The following WWOX variants were observed in gnomAD, a reference collection of about 807,000 sequenced individuals.
WWOX encodes the protein WW domain containing oxidoreductase.
WWOX carries 69 observed loss-of-function variants against 46.2 expected under a neutral mutation model. The ratio of observed to expected loss-of-function variants is 1.49; its 90% confidence interval spans 1.23 to 1.82. WWOX has a LOEUF of 1.82. Ranked by LOEUF, WWOX falls within the 40% of genes most tolerant of loss-of-function variation. The pLI is 0.00. For synonymous variants in WWOX, 359 were observed against 202.6 expected, an observed-to-expected ratio of 1.77 and a Z score of -6.56; for missense variants, 919 against 542.6, an observed-to-expected ratio of 1.69 and a Z score of -6.89.
intron 8 of WWOX, among the ~76,000 whole-genome samples, chr16:78,951,959 C>G (rs1485167551): frequency 6.6e-6 from 1 of 152,138 alleles, no homozygotes; most frequent in Admixed American, 6.5e-5. Flanking sequence ...GCAAAGTGAT[C>G]TTTTTGAGAC....
chr16:78,924,899 A>G (rs1383332051), intron 8 of WWOX, among the ~76,000 whole-genome samples: 1 of 152,162 alleles, frequency 6.6e-6, no homozygotes, highest in Non-Finnish European at 1.5e-5. Flanking sequence ...TTGTCTTTTC[A>G]AATAAACATA....
At chr16:79,002,847 G>A (rs1277655755) in intron 8 of WWOX, among the ~76,000 whole-genome samples, 2 of 152,160 alleles carry the variant, frequency 1.3e-5, no homozygotes, top group Non-Finnish European at 2.9e-5. Context: ...CTACCTCTTC[G>A]AGATGCTGAT....
intron 8 of WWOX, among the ~76,000 whole-genome samples, chr16:79,033,091 G>T (rs983072415): frequency 2.0e-5 from 3 of 150,088 alleles, no homozygotes; most frequent in South Asian, 2.1e-4. Flanking sequence ...TCCTGCAAAG[G>T]ACATGATCTC....
rs11860564 is a variant in WWOX, at chr16:78,622,305, C to T, written c.1056+189553C>T. The stretch of plus-strand genomic sequence containing the variant: ...TGCTTGTAATCCCAGCACTTTGGGA[C>T]GCCGAGGCAGGCAGATCACCTGAGG... On this transcript the variant is annotated intron_variant, in intron 8 of 8. Transcript: ENST00000566780. 1.9e-3 allele frequency among the ~76,000 whole-genome samples: 283 copies of T among 151,976 alleles called. 3 individuals carry two copies. The highest frequency in any genetic ancestry group is 6.2e-3 in the African/African-American group (258 of 41,476).
chr16:79,058,146 T>G (rs1484752207), intron 8 of WWOX, among the ~76,000 whole-genome samples: 2 of 151,496 alleles, frequency 1.3e-5, no homozygotes, highest in African/African-American at 4.8e-5. Context: ...AAAAAACTCC[T>G]TCTTCATTTG....
chr16:78,582,290 A>G (rs1038830599), intron 8 of WWOX, among the ~76,000 whole-genome samples: 1 of 152,298 alleles, frequency 6.6e-6, no homozygotes, highest in East Asian at 1.9e-4. Context: ...TTGCTGTTGG[A>G]TTATGTTACG....
chr16:79,096,477 G>C (rs1304854243), intron 8 of WWOX, among the ~76,000 whole-genome samples: 2 of 152,006 alleles, frequency 1.3e-5, no homozygotes, highest in Admixed American at 6.6e-5. Flanking sequence ...TGCCCCTCCT[G>C]GTTATCCCAC....
intron 8 of WWOX, among the ~76,000 whole-genome samples, chr16:78,805,845 C>T (rs942181176): frequency 3.3e-5 from 5 of 152,256 alleles, no homozygotes; most frequent in African/African-American, 9.6e-5. Flanking sequence ...CCAAGATCTG[C>T]GAATATAGAA....
At chr16:78,382,920 T>G (rs1216683668) in intron 5 of WWOX, among the ~76,000 whole-genome samples, 1 of 151,926 alleles carries the variant, frequency 6.6e-6, no homozygotes, top group Non-Finnish European at 1.5e-5. Context: ...ATTGGCTCAT[T>G]GTTCTGTGTT....
At chr16:78,940,196 A>G (rs1229976979) in intron 8 of WWOX, among the ~76,000 whole-genome samples, 1 of 152,236 alleles carries the variant, frequency 6.6e-6, no homozygotes, top group Non-Finnish European at 1.5e-5. Context: ...GCTGTATTAC[A>G]CACATTATAA....
At chr16:79,027,682 A>T (rs1255019392) in intron 8 of WWOX, among the ~76,000 whole-genome samples, 1 of 151,884 alleles carries the variant, frequency 6.6e-6, no homozygotes, top group Non-Finnish European at 1.5e-5. Flanking sequence ...CACCTTGGAG[A>T]TACTTATCTC....
chr16:78,470,111 C>G (rs2084185605), intron 8 of WWOX, among the ~76,000 whole-genome samples: 1 of 152,228 alleles, frequency 6.6e-6, no homozygotes, highest in South Asian at 2.1e-4. Flanking sequence ...AACCCAGGGA[C>G]TCAAGCTCTT....
chr16:78,622,742 G>T (rs557601084), intron 8 of WWOX, among the ~76,000 whole-genome samples: 1 of 152,154 alleles, frequency 6.6e-6, no homozygotes, highest in Non-Finnish European at 1.5e-5. Context: ...TAACTGTTTA[G>T]ATTCGGTTAC....
At chr16:78,678,110 C>A (rs921710436) in intron 8 of WWOX, among the ~76,000 whole-genome samples, 15 of 152,216 alleles carry the variant, frequency 9.9e-5, no homozygotes, top group Non-Finnish European at 1.9e-4. Flanking sequence ...TCCCCCTCCC[C>A]ACTGGAGAGT....
At chr16:78,999,368 G>C (rs952784151) in intron 8 of WWOX, among the ~76,000 whole-genome samples, 1 of 152,178 alleles carries the variant, frequency 6.6e-6, no homozygotes, top group Admixed American at 6.5e-5. Context: ...TACTCGAGAG[G>C]CTGAGGCAGG....
intron 5 of WWOX, among the ~76,000 whole-genome samples, chr16:78,384,028 G>C (rs1271073746): frequency 6.6e-6 from 1 of 152,188 alleles, no homozygotes; most frequent in Non-Finnish European, 1.5e-5. Context: ...AGAGAAGACT[G>C]GGCTAGTTGG....
intron 8 of WWOX, among the ~76,000 whole-genome samples, chr16:79,170,335 C>G (rs1460658295): frequency 6.6e-6 from 1 of 152,162 alleles, no homozygotes; most frequent in Non-Finnish European, 1.5e-5. Context: ...GCAAGGTCCC[C>G]CAGCTAGGAA....
chr16:78,264,296 G>T (rs1417720406), intron 5 of WWOX, among the ~76,000 whole-genome samples: 1 of 152,138 alleles, frequency 6.6e-6, no homozygotes, highest in African/African-American at 2.4e-5. Flanking sequence ...GAGTTAAGAG[G>T]TTTTATTCTT....
intron 8 of WWOX, among the ~76,000 whole-genome samples, chr16:78,883,475 G>A (rs551190729): frequency 6.6e-6 from 1 of 152,280 alleles, no homozygotes; most frequent in African/African-American, 2.4e-5. Flanking sequence ...CGAAATCCCA[G>A]CATTGCGGGA....
Sources: gnomAD v4.1 joint callset for allele counts (sites outside exome capture counted in the v4.1 genomes callset) on GRCh38, gnomAD v4.1.1 for gene constraint, MANE v1.5 for transcripts, NCBI Gene and HGNC (gene_info 2026-07-23, HGNC 2026-07-21) for gene names.